The following PI4K2A variants were observed in gnomAD, a reference collection of about 807,000 sequenced individuals.
PI4K2A encodes the protein phosphatidylinositol 4-kinase type 2 alpha, also known as phosphatidylinositol 4-kinase type 2-alpha.
A neutral mutation model predicts 55.0 loss-of-function variants in PI4K2A; 20 were observed. That is an observed-to-expected ratio of 0.36 (90% CI 0.26 to 0.53). The LOEUF is 0.53. Ranked by LOEUF, PI4K2A falls within the 20% of genes least tolerant of loss-of-function variation. PI4K2A has a pLI of 0.91. For synonymous variants in PI4K2A, 235 were observed against 258.5 expected, an observed-to-expected ratio of 0.91 and a Z score of 0.87; for missense variants, 463 against 637.1, an observed-to-expected ratio of 0.73 and a Z score of 2.94.
Position 97,656,926 on chromosome 10 carries a change from C to G in PI4K2A, c.874C>G (p.Leu292Val), listed in dbSNP as rs1178530131. The change falls in exon 4 of 9, where the codon CTC becomes GTC. Residue 292 changes from leucine to valine, a missense_variant. Coordinates refer to ENST00000370631, the Ensembl canonical transcript of PI4K2A. The surrounding 1 kb of genome is among the most constrained non-coding windows in gnomAD (Gnocchi z 4.5). ...TGAGAACACTAACCGGCAACTACTG[C>G]TCCAGTTTGAGCGGTTGGTGGTGCT... 6.2e-7 allele frequency: 1 copy of G among 1,614,210 alleles called. No homozygotes were observed. Among genetic ancestry groups the G allele is most frequent in the Admixed American group, 1.7e-5 (1 of 60,022 alleles).
chr10:97,640,880 C>T, exon 1 of PI4K2A: 1 of 1,306,728 alleles, frequency 7.7e-7, no homozygotes, highest in Non-Finnish European at 9.7e-7. Flanking sequence ...GCTCGGGCCC[C>T]TCTCCGCCGG....
chr10:97,650,446 T>C (rs1276506844), intron 1 of PI4K2A, among the ~76,000 whole-genome samples: 1 of 152,072 alleles, frequency 6.6e-6, no homozygotes, highest in Non-Finnish European at 1.5e-5. Flanking sequence ...CGCGCCCAGC[T>C]ACTTTTTGTA....
intron 6 of PI4K2A, among the ~76,000 whole-genome samples, chr10:97,665,231 A>C (rs2041603980): frequency 6.6e-6 from 1 of 152,036 alleles, no homozygotes; most frequent in East Asian, 1.9e-4. Flanking sequence ...AAGCATAAAG[A>C]TGAGTTTTCT....
At chr10:97,659,724 G>T (rs1046359434) in intron 4 of PI4K2A, among the ~76,000 whole-genome samples, 1 of 152,010 alleles carries the variant, frequency 6.6e-6, no homozygotes, top group African/African-American at 2.4e-5. Context: ...GAAGGGTGGG[G>T]GATGGGTAGC....
At chr10:97,642,880 T>TTCCTTCCTTC (rs2041483254) in intron 1 of PI4K2A, among the ~76,000 whole-genome samples, 12 of 116,136 alleles carry the variant, frequency 1.0e-4, no homozygotes, top group East Asian at 4.8e-4. Context: ...TTTCTTTCTT[T>TTCCTTCCTTC]CTTTCTTCCT....
chr10:97,644,222 G>A (rs377229615), intron 1 of PI4K2A, among the ~76,000 whole-genome samples: 1 of 152,168 alleles, frequency 6.6e-6, no homozygotes, highest in Admixed American at 6.5e-5. Context: ...ACTGTGGCAG[G>A]CACTTGTAAT....
intron 4 of PI4K2A, among the ~76,000 whole-genome samples, chr10:97,661,375 CTT>C (rs35506472): frequency 0.18 from 26,009 of 146,182 alleles, 2,411 homozygotes; most frequent in Non-Finnish European, 0.21. Flanking sequence ...GAGATAAAGA[CTT>C]TTTTTTTTTT....
intron 5 of PI4K2A, among the ~76,000 whole-genome samples, chr10:97,664,434 A>G (rs2041600719): frequency 6.6e-6 from 1 of 152,214 alleles, no homozygotes; most frequent in South Asian, 2.1e-4. Flanking sequence ...TTATCTTCCG[A>G]GGCTCTGTTT....
intron 8 of PI4K2A, among the ~76,000 whole-genome samples, chr10:97,669,375 G>A (rs2041625079): frequency 6.6e-6 from 1 of 152,170 alleles, no homozygotes; most frequent in Non-Finnish European, 1.5e-5. Context: ...GCCTCTGTCC[G>A]TATTGCAATG....
chr10:97,643,112 G>A (rs960610901), intron 1 of PI4K2A, among the ~76,000 whole-genome samples: 6 of 151,124 alleles, frequency 4.0e-5, no homozygotes, highest in South Asian at 2.1e-4. Context: ...CTCAGCTTCC[G>A]AGTAGCTGGG....
chr10:97,673,835 G>A, exon 9 of PI4K2A: 2 of 1,208,714 alleles, frequency 1.7e-6, no homozygotes, highest in South Asian at 1.3e-5. Flanking sequence ...CCGGTGGAGA[G>A]CAGCACCTTT....
intron 8 of PI4K2A, 90 bp downstream of exon 8, chr10:97,667,210 A>ACC: frequency 1.3e-6 from 1 of 756,428 alleles, no homozygotes. Context: ...TGTGTTTTAT[A>ACC]CCCCCCCCTT....
intron 4 of PI4K2A, among the ~76,000 whole-genome samples, chr10:97,657,581 T>C (rs1388692725): frequency 6.6e-6 from 1 of 151,082 alleles, no homozygotes; most frequent in African/African-American, 2.4e-5. Flanking sequence ...GGTGGGAGAA[T>C]CGCTTGAACC....
At chr10:97,647,954 A>G (rs1344910836) in intron 1 of PI4K2A, among the ~76,000 whole-genome samples, 1 of 151,292 alleles carries the variant, frequency 6.6e-6, no homozygotes, top group Non-Finnish European at 1.5e-5. Flanking sequence ...TCTTTTTTAG[A>G]GATGGGGTCT....
chr10:97,660,576 G>T (rs2041577194), intron 4 of PI4K2A, among the ~76,000 whole-genome samples: 1 of 152,094 alleles, frequency 6.6e-6, no homozygotes, highest in African/African-American at 2.4e-5. Flanking sequence ...TTACAGGTGT[G>T]AGCCATCGAG....
chr10:97,656,851 T>C lies in PI4K2A; in HGVS notation c.799T>C (p.Tyr267His). 6.2e-7 allele frequency: 1 copy of C among 1,614,172 alleles called. No homozygotes were observed. The highest frequency in any genetic ancestry group is 8.5e-7 in the Non-Finnish European group (1 of 1,179,990). Residue 267 changes from tyrosine to histidine, a missense_variant, in exon 4 of 9, where the codon TAC (tyrosine) becomes CAC (histidine). Around this residue, in one of 2 missense-constraint regions of PI4K2A, gnomAD observed 277 missense variants for 432.6 expected, o/e 0.64. Transcript: ENST00000370631. The surrounding 1 kb of genome is among the most constrained non-coding windows in gnomAD (Gnocchi z 4.5). ...TTCATTCCAGCTCTTTGTTGAAGGC[T>C]ACAAAGATGCAGACTATTGGCTGCG...
In PI4K2A at chr10:97,661,152, C is replaced by T. The variant is rs1318271884; in HGVS notation, c.923-1755C>T. ...GACTACAGGCGCCCGCCACCACACCCGGCTAATTTTTTGTATTTTTAGTAG... is the reference window on the plus strand; with the variant it reads ...GACTACAGGCGCCCGCCACCACACCTGGCTAATTTTTTGTATTTTTAGTAG... On this transcript the variant is annotated intron_variant, in intron 4 of 8. Coordinates refer to ENST00000370631, the Ensembl canonical transcript of PI4K2A. Among the ~76,000 whole-genome samples the T allele has an allele frequency of 7.2e-5, 11 of 151,926 alleles. 1 individual carries two copies. Among genetic ancestry groups the T allele is most frequent in the African/African-American group, 9.7e-5 (4 of 41,330 alleles).
rs905401401 is a variant in PI4K2A, at chr10:97,645,565, G to T, written c.435+4388G>T. On this transcript the variant is annotated intron_variant, in intron 1 of 8. Coordinates refer to ENST00000370631, the Ensembl canonical transcript of PI4K2A. ...GGAGCTTGCAGTGAGCCAAGATCGTGCCACTGCTCTCCAGCCTGGGCGAGA... is the reference window on the plus strand; with the variant it reads ...GGAGCTTGCAGTGAGCCAAGATCGTTCCACTGCTCTCCAGCCTGGGCGAGA... 5.6e-5 allele frequency among the ~76,000 whole-genome samples: 8 copies of T among 142,938 alleles called. No individual in the cohort carries two copies. In the South Asian group the frequency reaches 1.8e-3, roughly 32 times the overall value. The allele number at this position is 142,938 out of a possible 152,430, so 93.8% of individuals were successfully genotyped here. A position where few individuals can be genotyped will look rare whatever the true frequency, so the allele number is the denominator to read the frequency against.
exon 9 of PI4K2A, chr10:97,673,955 G>T: frequency 1.8e-6 from 1 of 544,170 alleles, no homozygotes; most frequent in Non-Finnish European, 3.3e-6. Flanking sequence ...GGGGAGGCTG[G>T]AGCTCCATGC....
Sources: gnomAD v4.1 joint callset for allele counts (sites outside exome capture counted in the v4.1 genomes callset) on GRCh38, gnomAD v4.1.1 for gene constraint, gnomAD v4.1.1 regional missense constraint, Gnocchi (gnomAD v3.1) non-coding constraint, MANE v1.5 for transcripts, NCBI Gene and HGNC (gene_info 2026-07-23, HGNC 2026-07-21) for gene names.